CNTN5: variants seen among roughly 807,000 people sequenced by gnomAD.
CNTN5 encodes contactin-5.
CNTN5 carries 77 observed loss-of-function variants against 129.1 expected under a neutral mutation model. That is an observed-to-expected ratio of 0.60 (90% CI 0.50 to 0.72). The LOEUF (loss-of-function observed/expected upper bound fraction) is 0.72. Among genes scored for constraint, CNTN5 ranks in the 30% least tolerant of loss-of-function variants. The pLI, the probability that CNTN5 is intolerant of heterozygous loss-of-function variation, is 0.00. For missense variants in CNTN5, 1,478 were observed against 1,328.8 expected, an observed-to-expected ratio of 1.11 and a Z score of -1.75; for synonymous variants, 509 against 465.6, an observed-to-expected ratio of 1.09 and a Z score of -1.20.
At chr11:99,070,294 C>T (rs1393067772) in intron 1 of CNTN5, among the ~76,000 whole-genome samples, 1 of 152,102 alleles carries the variant, frequency 6.6e-6, no homozygotes, top group Non-Finnish European at 1.5e-5. Flanking sequence ...GGAGATTTTG[C>T]GTGCAAAGGG....
chr11:99,552,259 G>C (rs181001348), intron 2 of CNTN5, among the ~76,000 whole-genome samples: 12 of 147,808 alleles, frequency 8.1e-5, no homozygotes, highest in Admixed American at 7.4e-4. Context: ...TTATTTCCTA[G>C]AGACTTCAGT....
chr11:100,237,266 G>C (rs1949640282), intron 16 of CNTN5, among the ~76,000 whole-genome samples: 2 of 151,688 alleles, frequency 1.3e-5, no homozygotes, highest in East Asian at 3.9e-4. Flanking sequence ...CCCACTGACT[G>C]ACTGGTCACA....
At chr11:99,710,003 G>T (rs675163) in intron 3 of CNTN5, among the ~76,000 whole-genome samples, 132,140 of 151,784 alleles carry the variant, frequency 0.87, 57,625 homozygotes, top group Middle Eastern at 0.89. Flanking sequence ...CATTCTGCCT[G>T]CCTTCCTCTT....
chr11:99,733,922 G>C (rs1381991941), intron 3 of CNTN5, among the ~76,000 whole-genome samples: 1 of 152,104 alleles, frequency 6.6e-6, no homozygotes, highest in Non-Finnish European at 1.5e-5. Flanking sequence ...CCAGGAGAAG[G>C]GCCTCACTGC....
chr11:99,278,773 A>T lies in CNTN5; in HGVS notation c.-209-46573A>T, dbSNP rs375536488. On this transcript the variant is annotated intron_variant, in intron 1 of 24. Coordinates refer to ENST00000524871, the MANE Select transcript of CNTN5 (RefSeq NM_014361.4). ...AAGTAGGACATCTTCACTCATGACCATTAATTAGTATAATTTTATGTAGTA... is the reference window on the plus strand; with the variant it reads ...AAGTAGGACATCTTCACTCATGACCTTTAATTAGTATAATTTTATGTAGTA... Among the ~76,000 whole-genome samples, 3 of 151,768 alleles carry T rather than the reference A, an allele frequency of 2.0e-5. No homozygotes were observed. The South Asian group carries it at 6.2e-4, about 31-fold the overall frequency.
chr11:100,295,677 C>G (rs1010036465), intron 18 of CNTN5, among the ~76,000 whole-genome samples: 3 of 151,092 alleles, frequency 2.0e-5, no homozygotes, highest in Non-Finnish European at 4.4e-5. Flanking sequence ...TTCTGAGCAT[C>G]CTTTTTTTTT....
chr11:100,214,568 G>A (rs892399561), intron 15 of CNTN5, among the ~76,000 whole-genome samples: 2 of 152,248 alleles, frequency 1.3e-5, no homozygotes, highest in Non-Finnish European at 1.5e-5. Flanking sequence ...CCAACACTAC[G>A]TGGAAGGTCA....
Position 99,058,971 on chromosome 11 carries a change from C to CACAT in CNTN5, c.-210+37711_-210+37714dup, listed in dbSNP as rs533553449. On this transcript the variant is annotated intron_variant, in intron 1 of 24. Transcript: ENST00000524871. ...TATATATAGTTATAATTTATATATA[C>CACAT]ACATACATACATATATAATAATGTA... Among the ~76,000 whole-genome samples the CACAT allele has an allele frequency of 5.2e-3, 767 of 148,654 alleles. 5 individuals carry two copies. Among genetic ancestry groups the CACAT allele is most frequent in the Non-Finnish European group, 8.6e-3 (576 of 67,334 alleles).
intron 3 of CNTN5, among the ~76,000 whole-genome samples, chr11:99,608,157 C>G (rs562272464): frequency 6.6e-6 from 1 of 151,702 alleles, no homozygotes; most frequent in East Asian, 1.9e-4. Flanking sequence ...CTGCCAATCT[C>G]TTTTAAACTA....
intron 1 of CNTN5, among the ~76,000 whole-genome samples, chr11:99,101,443 G>A (rs1301277860): frequency 6.6e-6 from 1 of 152,166 alleles, no homozygotes; most frequent in African/African-American, 2.4e-5. Flanking sequence ...AGTCTCATCT[G>A]AGGCAAGGCA....
At chr11:99,785,799 C>T (rs1945499431) in intron 3 of CNTN5, among the ~76,000 whole-genome samples, 1 of 152,104 alleles carries the variant, frequency 6.6e-6, no homozygotes, top group Non-Finnish European at 1.5e-5. Context: ...TGATAAAATT[C>T]AGCACCCCTT....
chr11:99,121,141 T>TCTTTCTTTCTTTCTTTCTTTC (rs1565333694), intron 1 of CNTN5, among the ~76,000 whole-genome samples: 2 of 146,784 alleles, frequency 1.4e-5, no homozygotes, highest in South Asian at 2.2e-4. Flanking sequence ...CTTTCTTTTT[T>TCTTTCTTTCTTTCTTTCTTTC]TTTTTTTTTT....
intron 3 of CNTN5, among the ~76,000 whole-genome samples, chr11:99,608,530 T>TAA: frequency 6.6e-6 from 1 of 152,268 alleles, no homozygotes; most frequent in East Asian, 1.9e-4. Flanking sequence ...TAAGCCTGGT[T>TAA]TCCTTATAAA....
intron 3 of CNTN5, among the ~76,000 whole-genome samples, chr11:99,762,281 T>A (rs1367551598): frequency 1.3e-5 from 2 of 149,058 alleles, no homozygotes; most frequent in Non-Finnish European, 3.0e-5. Flanking sequence ...TAGATCCCAT[T>A]TGTCAATTTT....
intron 1 of CNTN5, among the ~76,000 whole-genome samples, chr11:99,275,059 A>G (rs533143348): frequency 6.6e-6 from 1 of 151,574 alleles, no homozygotes; most frequent in South Asian, 2.1e-4. Flanking sequence ...ATATATATCT[A>G]TAAATGTGTG....
intron 2 of CNTN5, among the ~76,000 whole-genome samples, chr11:99,448,188 T>C (rs1349010863): frequency 6.6e-6 from 1 of 152,122 alleles, no homozygotes; most frequent in Non-Finnish European, 1.5e-5. Context: ...TCAAAAGTCA[T>C]CCATTGTTGG....
intron 1 of CNTN5, among the ~76,000 whole-genome samples, chr11:99,179,019 T>G (rs1857916493): frequency 6.6e-6 from 1 of 152,198 alleles, no homozygotes; most frequent in African/African-American, 2.4e-5. Context: ...ACAAATGTAT[T>G]TACATTCCTG....
chr11:100,267,318 G>T (rs1199109501), intron 17 of CNTN5, among the ~76,000 whole-genome samples: 1 of 151,444 alleles, frequency 6.6e-6, no homozygotes, highest in Non-Finnish European at 1.5e-5. Context: ...AAGCTCAAGT[G>T]TCCCATCCTA....
In CNTN5 at chr11:100,101,703, A is replaced by G. The variant is rs1428710834; in HGVS notation, c.1580+27409A>G. ...ACCAGGGCAGAGTATACTATACCCA[A>G]TATGTAGTCTTTTATTGCTCACCCC... is the stretch of plus-strand genomic sequence containing the variant. On this transcript the variant is annotated intron_variant, in intron 13 of 24. Coordinates refer to ENST00000524871, the MANE Select transcript of CNTN5 (RefSeq NM_014361.4). Among the ~76,000 whole-genome samples, 9 of 152,146 alleles carry G rather than the reference A, an allele frequency of 5.9e-5. No individual in the cohort carries two copies. In the South Asian group the frequency reaches 1.0e-3, roughly 18 times the overall value.
Sources: gnomAD v4.1 joint callset for allele counts (sites outside exome capture counted in the v4.1 genomes callset) on GRCh38, gnomAD v4.1.1 for gene constraint, MANE v1.5 for transcripts, NCBI Gene and HGNC (gene_info 2026-07-23, HGNC 2026-07-21) for gene names.